The following RANBP17 variants were observed in gnomAD, a reference collection of about 807,000 sequenced individuals.
RANBP17 encodes the protein RAN binding protein 17.
Under a neutral mutation model 141.2 loss-of-function variants are expected in RANBP17, and 158 were observed. The ratio of observed to expected loss-of-function variants is 1.12; its 90% CI spans 0.98 to 1.28. The LOEUF is 1.28. RANBP17 is among the 50% of genes most tolerant of loss of function. The probability of loss-of-function intolerance (pLI) is 0.00; values close to 1 mark genes in which losing one functional copy is unlikely to be tolerated. For missense variants in RANBP17, 1,438 were observed against 1,290.7 expected, an observed-to-expected ratio of 1.11 and a Z score of -1.75; for synonymous variants, 430 against 450.0, an observed-to-expected ratio of 0.96 and a Z score of 0.56.
At chr5:170,925,774 C>T (rs1448806040) in intron 12 of RANBP17, among the ~76,000 whole-genome samples, 2 of 117,206 alleles carry the variant, frequency 1.7e-5, no homozygotes, top group East Asian at 6.0e-4. Context: ...TATTTCTCAA[C>T]GTTATACAAA....
intron 24 of RANBP17, among the ~76,000 whole-genome samples, chr5:171,257,070 C>T (rs1316688413): frequency 6.6e-6 from 1 of 152,200 alleles, no homozygotes; most frequent in East Asian, 1.9e-4. Context: ...CTAACCCATT[C>T]TATGAGGTCA....
At chr5:171,043,421 G>A (rs1782379094) in intron 14 of RANBP17, among the ~76,000 whole-genome samples, 1 of 151,914 alleles carries the variant, frequency 6.6e-6, no homozygotes, top group Non-Finnish European at 1.5e-5. Context: ...GGTGCCCTTG[G>A]GGTGTCTCTC....
chr5:170,965,132 A>G (rs1776451530), intron 13 of RANBP17, among the ~76,000 whole-genome samples: 1 of 151,966 alleles, frequency 6.6e-6, no homozygotes, highest in Admixed American at 6.6e-5. Flanking sequence ...TTTGATTTGC[A>G]TTTCTCTGAT....
chr5:170,935,986 C>T (rs1275323157), intron 12 of RANBP17, among the ~76,000 whole-genome samples: 2 of 152,214 alleles, frequency 1.3e-5, no homozygotes, highest in Non-Finnish European at 2.9e-5. Context: ...ACTCAAGCCG[C>T]AGCAATGGCT....
At chr5:170,967,332 A>T (rs528002547) in intron 13 of RANBP17, among the ~76,000 whole-genome samples, 8 of 152,142 alleles carry the variant, frequency 5.3e-5, no homozygotes, top group Non-Finnish European at 8.8e-5. Context: ...CATATATGGA[A>T]GAAACTGGGT....
At chr5:170,976,339 G>T (rs1317798236) in intron 14 of RANBP17, among the ~76,000 whole-genome samples, 3 of 152,080 alleles carry the variant, frequency 2.0e-5, no homozygotes, top group Non-Finnish European at 4.4e-5. Context: ...AATTAAAGGG[G>T]ATGTAATAAC....
At chr5:170,953,149 T>A (rs930890) in intron 12 of RANBP17, among the ~76,000 whole-genome samples, 91,120 of 151,844 alleles carry the variant, frequency 0.6, 29,093 homozygotes, top group South Asian at 0.88. Flanking sequence ...ACTGGTACTA[T>A]CATGACATTG....
chr5:171,174,325 A>G (rs1434545074), intron 16 of RANBP17, among the ~76,000 whole-genome samples: 2 of 152,158 alleles, frequency 1.3e-5, no homozygotes, highest in African/African-American at 4.8e-5. Context: ...GTTCAAGTTC[A>G]GTACTTGGGG....
intron 18 of RANBP17, among the ~76,000 whole-genome samples, chr5:171,186,457 T>C (rs1761242459): frequency 6.6e-6 from 1 of 150,944 alleles, no homozygotes. Flanking sequence ...TCAGCTTTCA[T>C]AGAATAGAGT....
intron 1 of RANBP17, among the ~76,000 whole-genome samples, chr5:170,877,466 T>TG (rs1265016069): frequency 1.3e-5 from 2 of 152,092 alleles, no homozygotes; most frequent in Non-Finnish European, 2.9e-5. Flanking sequence ...TTTGCCATGT[T>TG]GCCTGTGGTG....
At chr5:171,259,760 C>T (rs1371252240) in intron 24 of RANBP17, among the ~76,000 whole-genome samples, 3 of 152,080 alleles carry the variant, frequency 2.0e-5, no homozygotes, top group Non-Finnish European at 4.4e-5. Context: ...GTCAGTGGAT[C>T]ACTTGAGGTC....
intron 23 of RANBP17, 42 bp downstream of exon 23, chr5:171,241,184 A>ACCTG (rs1561792731): frequency 7.0e-7 from 1 of 1,419,352 alleles, no homozygotes; most frequent in Admixed American, 1.7e-5. Context: ...ATGAAATGTG[A>ACCTG]AGTAACACCA....
chr5:170,988,884 A>G (rs916433594), intron 14 of RANBP17, among the ~76,000 whole-genome samples: 4 of 151,764 alleles, frequency 2.6e-5, no homozygotes, highest in Admixed American at 6.6e-5. Flanking sequence ...GCATGGTGGC[A>G]ATGCACCTAT....
At chr5:171,134,302 A>G (rs1757122845) in intron 14 of RANBP17, among the ~76,000 whole-genome samples, 2 of 152,342 alleles carry the variant, frequency 1.3e-5, no homozygotes, top group African/African-American at 4.8e-5. Context: ...TTGTTTTTCC[A>G]GCAATTTTAG....
chr5:171,069,785 T>C (rs541687955), intron 14 of RANBP17, among the ~76,000 whole-genome samples: 25 of 152,252 alleles, frequency 1.6e-4, no homozygotes, highest in African/African-American at 5.8e-4. Flanking sequence ...TTTGTCAGGA[T>C]GTAACCCCAT....
At position 171,241,160 on chromosome 5, in the gene RANBP17, A is replaced by C. The variant is rs1313719773; in HGVS notation, c.2637+18A>C. 1 of 1,578,256 alleles carries C rather than the reference A, an allele frequency of 6.3e-7. No individual in the cohort carries two copies. Among genetic ancestry groups the C allele is most frequent in the Non-Finnish European group, 8.7e-7 (1 of 1,149,580 alleles). On this transcript the variant is annotated intron_variant, in intron 23 of 27. Coordinates refer to ENST00000523189, the MANE Select transcript of RANBP17 (RefSeq NM_022897.5). ...ACTTGCTAGTAAGCAATCATGCATC[A>C]TGGGAGTGTTTGTATGAAATGTGAA...
intron 25 of RANBP17, among the ~76,000 whole-genome samples, chr5:171,292,917 A>G (rs2964517): frequency 0.99 from 151,178 of 152,272 alleles, 75,056 homozygotes; most frequent in East Asian, 1. Context: ...TCAGGATGAA[A>G]TCCAGATTCC....
At chr5:170,902,961 G>A (rs1282225768) in intron 5 of RANBP17, among the ~76,000 whole-genome samples, 2 of 152,140 alleles carry the variant, frequency 1.3e-5, no homozygotes, top group Admixed American at 6.5e-5. Context: ...GTCTGTTGAC[G>A]CCTGCTGGGA....
chr5:171,145,501 C>G (rs1757977160), intron 14 of RANBP17, among the ~76,000 whole-genome samples: 1 of 152,248 alleles, frequency 6.6e-6, no homozygotes. Context: ...CTTGCCCTTA[C>G]TTCGTTCCAA....
Sources: allele counts gnomAD v4.1 joint callset (sites outside exome capture counted in the v4.1 genomes callset), GRCh38; gene constraint gnomAD v4.1.1; transcripts MANE v1.5; gene names NCBI Gene and HGNC (gene_info 2026-07-23, HGNC 2026-07-21).